The following WWOX variants were observed in gnomAD, a reference collection of about 807,000 sequenced individuals.
WWOX encodes the protein WW domain containing oxidoreductase, also known as WW domain-containing oxidoreductase.
Under a neutral mutation model 46.2 loss-of-function variants are expected in WWOX, and 69 were observed. The observed-to-expected ratio is 1.49, with a 90% confidence interval of 1.23 to 1.82. The LOEUF (loss-of-function observed/expected upper bound fraction) is 1.82. Ranked by LOEUF, WWOX falls within the 40% of genes most tolerant of loss-of-function variation. WWOX has a pLI of 0.00. For missense variants in WWOX, 919 were observed against 542.6 expected, an observed-to-expected ratio of 1.69 and a Z score of -6.89; for synonymous variants, 359 against 202.6, an observed-to-expected ratio of 1.77 and a Z score of -6.56.
At chr16:78,877,848 T>G (rs111663849) in intron 8 of WWOX, among the ~76,000 whole-genome samples, 6 of 152,306 alleles carry the variant, frequency 3.9e-5, no homozygotes, top group African/African-American at 1.4e-4. Context: ...TAGGTAGTTT[T>G]ATATACATTT....
intron 8 of WWOX, among the ~76,000 whole-genome samples, chr16:78,712,535 G>C (rs1418564843): frequency 2.0e-5 from 3 of 151,756 alleles, no homozygotes; most frequent in Non-Finnish European, 4.4e-5. Flanking sequence ...GATTAAAAGA[G>C]ACTTAAGACA....
chr16:78,406,563 A>T (rs991631948), intron 6 of WWOX, among the ~76,000 whole-genome samples: 4 of 149,366 alleles, frequency 2.7e-5, no homozygotes, highest in African/African-American at 7.4e-5. Flanking sequence ...GTTGGCGAGG[A>T]TGGTCTCAGT....
At chr16:78,829,381 G>A (rs1159526391) in intron 8 of WWOX, among the ~76,000 whole-genome samples, 1 of 152,026 alleles carries the variant, frequency 6.6e-6, no homozygotes, top group African/African-American at 2.4e-5. Context: ...TTTTATTCGG[G>A]CCTTCAACAG....
intron 8 of WWOX, among the ~76,000 whole-genome samples, chr16:79,132,929 T>C (rs973669526): frequency 6.6e-6 from 1 of 152,228 alleles, no homozygotes; most frequent in African/African-American, 2.4e-5. Flanking sequence ...TGGGGCTTCT[T>C]GGCTGATCTG....
In WWOX at chr16:78,314,721, T is replaced by TTC. The variant is rs2080326947; in HGVS notation, c.517-72139_517-72138insTC. 3.3e-4 allele frequency among the ~76,000 whole-genome samples: 43 copies of TTC among 128,420 alleles called. 2 individuals are homozygous for TTC. The highest frequency in any genetic ancestry group is 1.0e-3 in the African/African-American group (35 of 33,554). 84.2% of individuals were successfully genotyped at this position (128,420 alleles called of 152,430 possible). On this transcript the variant is annotated intron_variant, in intron 5 of 8. Transcript: ENST00000566780. ...TTTTTGTTTTTTTTTTTTTTTTTTT[T>TTC]CTGTATTTTCAGTAGAGACAGGGTT...
At chr16:79,152,276 G>A (rs1443184466) in intron 8 of WWOX, among the ~76,000 whole-genome samples, 6 of 152,186 alleles carry the variant, frequency 3.9e-5, no homozygotes, top group African/African-American at 1.2e-4. Flanking sequence ...AGGCTGGCTG[G>A]ACCATGCGAT....
intron 8 of WWOX, among the ~76,000 whole-genome samples, chr16:79,097,238 C>A (rs1051446200): frequency 6.6e-6 from 1 of 152,030 alleles, no homozygotes; most frequent in Non-Finnish European, 1.5e-5. Flanking sequence ...TGCATAATGA[C>A]GTCTTTGATT....
At chr16:78,491,440 C>T (rs2084781399) in intron 8 of WWOX, among the ~76,000 whole-genome samples, 1 of 152,140 alleles carries the variant, frequency 6.6e-6, no homozygotes, top group Non-Finnish European at 1.5e-5. Context: ...GGTATTTAAG[C>T]TCCAGTGGTA....
At chr16:78,637,642 C>A (rs1284733867) in intron 8 of WWOX, among the ~76,000 whole-genome samples, 1 of 152,194 alleles carries the variant, frequency 6.6e-6, no homozygotes, top group Non-Finnish European at 1.5e-5. Context: ...GAAGGAAGGG[C>A]TGGAGACGTT....
chr16:78,476,633 A>G (rs542980423), intron 8 of WWOX, among the ~76,000 whole-genome samples: 27 of 150,576 alleles, frequency 1.8e-4, no homozygotes, highest in Non-Finnish European at 3.8e-4. Context: ...AAAAAAAAGA[A>G]CTGGAGCATC....
intron 8 of WWOX, among the ~76,000 whole-genome samples, chr16:78,882,878 C>G (rs1438314485): frequency 6.6e-6 from 1 of 151,770 alleles, no homozygotes; most frequent in Non-Finnish European, 1.5e-5. Context: ...TCCTGAGTGT[C>G]TGCTTGGTCG....
intron 8 of WWOX, among the ~76,000 whole-genome samples, chr16:78,838,637 T>C (rs1437502875): frequency 6.6e-6 from 1 of 151,856 alleles, no homozygotes; most frequent in African/African-American, 2.4e-5. Flanking sequence ...AGGTCCGGAG[T>C]TCCAGACCAG....
At chr16:78,367,098 G>T (rs2081552391) in intron 5 of WWOX, among the ~76,000 whole-genome samples, 2 of 149,096 alleles carry the variant, frequency 1.3e-5, no homozygotes, top group African/African-American at 5.0e-5. Context: ...TCCTGCCTCA[G>T]CCTCCTAAGT....
chr16:78,747,284 C>T (rs755415201), intron 8 of WWOX, among the ~76,000 whole-genome samples: 6 of 151,464 alleles, frequency 4.0e-5, no homozygotes, highest in Non-Finnish European at 5.9e-5. Flanking sequence ...CTCTGCCTCC[C>T]GGGTTCAAGC....
At chr16:78,117,500 C>G (rs1456501067) in intron 4 of WWOX, among the ~76,000 whole-genome samples, 1 of 147,952 alleles carries the variant, frequency 6.8e-6, no homozygotes, top group South Asian at 2.1e-4. Context: ...AAATCACTTG[C>G]ACTCTGCAGC....
chr16:78,255,598 A>T (rs961903299), intron 5 of WWOX, among the ~76,000 whole-genome samples: 1 of 152,134 alleles, frequency 6.6e-6, no homozygotes, highest in Non-Finnish European at 1.5e-5. Flanking sequence ...AAGGCGAGGC[A>T]CAAAAGAAGG....
chr16:78,969,561 A>G (rs960419002), intron 8 of WWOX, among the ~76,000 whole-genome samples: 14 of 152,108 alleles, frequency 9.2e-5, no homozygotes, highest in African/African-American at 3.1e-4. Flanking sequence ...GTGAGCCACC[A>G]CACCCAGCCA....
At chr16:78,747,312 C>G (rs552988153) in intron 8 of WWOX, among the ~76,000 whole-genome samples, 14 of 152,088 alleles carry the variant, frequency 9.2e-5, no homozygotes, top group African/African-American at 2.7e-4. Flanking sequence ...TAGCCTCAGC[C>G]TCCCAAATTG....
At chr16:78,274,240 G>A (rs1414511086) in intron 5 of WWOX, among the ~76,000 whole-genome samples, 1 of 152,014 alleles carries the variant, frequency 6.6e-6, no homozygotes, top group Non-Finnish European at 1.5e-5. Context: ...TTCATGTCCA[G>A]CTCCTGCTCA....
Sources: allele counts gnomAD v4.1 joint callset (sites outside exome capture counted in the v4.1 genomes callset), GRCh38; gene constraint gnomAD v4.1.1; transcripts MANE v1.5; gene names NCBI Gene and HGNC (gene_info 2026-07-23, HGNC 2026-07-21).